The following CYRIB variants were observed in gnomAD, a reference collection of about 807,000 sequenced individuals.
The protein encoded by CYRIB is CYFIP related Rac1 interactor B, also known as CYFIP-related Rac1 interactor B.
CYRIB carries 8 observed loss-of-function variants against 44.2 expected under a neutral mutation model. The ratio of observed to expected loss-of-function variants is 0.18; its 90% CI spans 0.11 to 0.33. The LOEUF is 0.33. CYRIB is among the 10% of genes least tolerant of loss of function. CYRIB has a pLI of 1.00. For missense variants in CYRIB, 185 were observed against 382.8 expected (o/e 0.48, Z 4.31); for synonymous variants, 131 against 127.2 (o/e 1.03, Z -0.20).
chr8:129,969,021 T>TTTTTTTTTG (rs1472810628), intron 2 of CYRIB, among the ~76,000 whole-genome samples: 2 of 135,780 alleles, frequency 1.5e-5, no homozygotes, highest in Non-Finnish European at 3.2e-5. Flanking sequence ...CCTCCTTTTT[T>TTTTTTTTTG]TTTTTTTTTT....
At chr8:129,909,215 C>A (rs186672714) in intron 1 of CYRIB, among the ~76,000 whole-genome samples, 46 of 152,134 alleles carry the variant, frequency 3.0e-4, no homozygotes, top group Admixed American at 3.0e-3. Context: ...GTAACAGTTG[C>A]CTAGGTAATG....
At chr8:130,013,687 T>C (rs1307108549) in intron 1 of CYRIB, among the ~76,000 whole-genome samples, 3 of 152,104 alleles carry the variant, frequency 2.0e-5, no homozygotes, top group Non-Finnish European at 4.4e-5. Context: ...GGCACCCGCG[T>C]CCCTCGGGCG....
intron 1 of CYRIB, among the ~76,000 whole-genome samples, chr8:130,002,504 G>C (rs2096930185): frequency 6.6e-6 from 1 of 151,420 alleles, no homozygotes; most frequent in South Asian, 2.1e-4. Flanking sequence ...GAGAAGGGAA[G>C]GTTTTCTTAC....
intron 1 of CYRIB, among the ~76,000 whole-genome samples, chr8:129,925,110 T>A (rs765911777): frequency 1.3e-4 from 20 of 152,030 alleles, no homozygotes; most frequent in Non-Finnish European, 1.3e-4. Context: ...ACTCAAAAAA[T>A]GTTTAGGCCG....
chr8:129,979,285 C>G (rs1244742768), intron 1 of CYRIB, among the ~76,000 whole-genome samples: 1 of 151,950 alleles, frequency 6.6e-6, no homozygotes, highest in East Asian at 1.9e-4. Context: ...TTTTGGGGTG[C>G]CTTGGAAATA....
chr8:129,969,294 G>A (rs1476906604), intron 2 of CYRIB, among the ~76,000 whole-genome samples: 3 of 152,118 alleles, frequency 2.0e-5, no homozygotes, highest in Admixed American at 6.6e-5. Context: ...GATTACAGGC[G>A]TGAGCCACCG....
intron 3 of CYRIB, among the ~76,000 whole-genome samples, chr8:129,878,495 C>A (rs958399639): frequency 6.6e-6 from 1 of 152,102 alleles, no homozygotes; most frequent in East Asian, 1.9e-4. Context: ...AAAATACATT[C>A]TAACACTTAA....
intron 1 of CYRIB, among the ~76,000 whole-genome samples, chr8:129,989,131 A>G (rs2096558415): frequency 6.6e-6 from 1 of 152,074 alleles, no homozygotes; most frequent in Admixed American, 6.6e-5. Context: ...AACACTCATT[A>G]CGCACTCAAG....
chr8:129,936,066 G>C (rs2092737762), intron 1 of CYRIB, among the ~76,000 whole-genome samples: 1 of 152,194 alleles, frequency 6.6e-6, no homozygotes, highest in Non-Finnish European at 1.5e-5. Context: ...TACAGAACAA[G>C]TGAACATTAT....
intron 1 of CYRIB, among the ~76,000 whole-genome samples, chr8:129,983,962 G>A (rs2096355554): frequency 6.6e-6 from 1 of 152,240 alleles, no homozygotes; most frequent in African/African-American, 2.4e-5. Context: ...CCTCTGATTG[G>A]AATCAACCGG....
intron 1 of CYRIB, among the ~76,000 whole-genome samples, chr8:129,980,640 G>A (rs1008138945): frequency 4.0e-5 from 6 of 150,014 alleles, no homozygotes; most frequent in Non-Finnish European, 7.4e-5. Flanking sequence ...CTCCAGCCTG[G>A]GCCACGGAGT....
In CYRIB at chr8:129,859,100, C is replaced by T. The variant is rs191424070; in HGVS notation, c.301+3129G>A. Among the ~76,000 whole-genome samples, 98 of 152,160 alleles carry T rather than the reference C, an allele frequency of 6.4e-4. No individual in the cohort carries two copies. The South Asian group carries it at 0.013, about 21-fold the overall frequency. On this transcript the variant is annotated intron_variant, in intron 5 of 11. Transcript: ENST00000519824. Reference sequence around the variant, plus strand: ...GCACTGATATTTATTGGATACAAGACGAAGGGGCAGGATAAGGAGTGTGAG... The same window carrying T: ...GCACTGATATTTATTGGATACAAGATGAAGGGGCAGGATAAGGAGTGTGAG...
chr8:129,851,159 G>A, intron 8 of CYRIB: 1 of 469,452 alleles, frequency 2.1e-6, no homozygotes, highest in Non-Finnish European at 3.8e-6. Context: ...AAGAACAACT[G>A]CAACAATGCA....
intron 1 of CYRIB, among the ~76,000 whole-genome samples, chr8:129,984,417 C>T (rs2096372500): frequency 6.6e-6 from 1 of 152,188 alleles, no homozygotes; most frequent in African/African-American, 2.4e-5. Flanking sequence ...AGGAAGCCCA[C>T]AGTCACTGCT....
chr8:129,844,606 T>C (rs933497434), intron 11 of CYRIB: 2 of 152,244 alleles, frequency 1.3e-5, no homozygotes, highest in Non-Finnish European at 2.9e-5. Context: ...TTTTTCCACC[T>C]GTAAAATGGA....
chr8:129,907,443 T>C (rs2075975267), intron 1 of CYRIB, among the ~76,000 whole-genome samples: 2 of 151,498 alleles, frequency 1.3e-5, no homozygotes, highest in Admixed American at 1.3e-4. Flanking sequence ...CCGGTGCCTG[T>C]TATGGGGTGG....
At chr8:129,941,779 C>G (rs187252694), upstream of CYRIB, among the ~76,000 whole-genome samples, 4 of 152,302 alleles carry the variant, frequency 2.6e-5, no homozygotes, top group East Asian at 7.7e-4. Flanking sequence ...ACCTCTAACC[C>G]TATCTCCCAC....
At chr8:129,904,478 G>A (rs1387566977) in intron 1 of CYRIB, 21 bp downstream of exon 3, 1 of 152,138 alleles carries the variant, frequency 6.6e-6, no homozygotes, top group Admixed American at 6.5e-5. Flanking sequence ...GCTCACAGAA[G>A]TGAGCAGCTC....
chr8:129,884,801 T>C (rs987757912), intron 2 of CYRIB, among the ~76,000 whole-genome samples: 11 of 152,232 alleles, frequency 7.2e-5, no homozygotes, highest in Non-Finnish European at 1.6e-4. Context: ...AACACAGATT[T>C]AATACACAGA....
Sources: gnomAD v4.1 joint callset for allele counts (sites outside exome capture counted in the v4.1 genomes callset) on GRCh38, gnomAD v4.1.1 for gene constraint, MANE v1.5 for transcripts, NCBI Gene and HGNC (gene_info 2026-07-23, HGNC 2026-07-21) for gene names.